LRRC4C: variants seen among roughly 807,000 people sequenced by gnomAD.
LRRC4C encodes the protein leucine rich repeat containing 4C.
LRRC4C carries 5 observed loss-of-function variants against 33.6 expected under a neutral mutation model. The observed-to-expected ratio is 0.15, with a 90% CI of 0.08 to 0.31. LRRC4C has a LOEUF of 0.31. LRRC4C is among the 10% of genes least tolerant of loss of function. LRRC4C has a pLI of 1.00. For missense variants in LRRC4C, 560 were observed against 796.7 expected (o/e 0.70, Z 3.58); for synonymous variants, 329 against 302.0 (o/e 1.09, Z -0.93).
At chr11:40,970,152 T>TA (rs753999748) in intron 1 of LRRC4C, among the ~76,000 whole-genome samples, 14 of 152,150 alleles carry the variant, frequency 9.2e-5, no homozygotes, top group Non-Finnish European at 1.9e-4. Flanking sequence ...CAGAGCCTTC[T>TA]AGCGAACCTC....
chr11:40,670,605 T>C (rs190346641), intron 2 of LRRC4C, among the ~76,000 whole-genome samples: 1 of 152,258 alleles, frequency 6.6e-6, no homozygotes, highest in African/African-American at 2.4e-5. Flanking sequence ...TAAAGATGTA[T>C]GCCCATAAAA....
intron 3 of LRRC4C, among the ~76,000 whole-genome samples, chr11:40,575,684 G>C (rs1459894667): frequency 6.6e-6 from 1 of 152,098 alleles, no homozygotes; most frequent in Admixed American, 6.6e-5. Context: ...TTTTCTTCAA[G>C]ATCTAAGATT....
At chr11:40,806,350 G>A (rs929801976) in intron 2 of LRRC4C, among the ~76,000 whole-genome samples, 4 of 152,144 alleles carry the variant, frequency 2.6e-5, no homozygotes, top group Non-Finnish European at 4.4e-5. Flanking sequence ...CCATGTCCAC[G>A]TCCATCTGTA....
chr11:40,521,693 A>T (rs186478560), intron 3 of LRRC4C, among the ~76,000 whole-genome samples: 4 of 151,752 alleles, frequency 2.6e-5, no homozygotes, highest in Middle Eastern at 3.4e-3. Context: ...ACATGGTAAA[A>T]CTCCGTCTCT....
chr11:40,146,911 T>C (rs1431398737), intron 5 of LRRC4C, among the ~76,000 whole-genome samples: 1 of 152,142 alleles, frequency 6.6e-6, no homozygotes, highest in Non-Finnish European at 1.5e-5. Context: ...CTAGGTTGCA[T>C]TGGTATAGCA....
At chr11:41,368,733 TAAG>T (rs1253133697) in intron 1 of LRRC4C, among the ~76,000 whole-genome samples, 1 of 152,128 alleles carries the variant, frequency 6.6e-6, no homozygotes, top group Non-Finnish European at 1.5e-5. Flanking sequence ...GGAAAATAAA[TAAG>T]GAGACTCAGT....
At chr11:40,678,721 T>C (rs1196163943) in intron 2 of LRRC4C, among the ~76,000 whole-genome samples, 7 of 152,122 alleles carry the variant, frequency 4.6e-5, no homozygotes, top group African/African-American at 1.7e-4. Flanking sequence ...TGCTCTTCCT[T>C]CATCTTCTGC....
intron 3 of LRRC4C, among the ~76,000 whole-genome samples, chr11:40,483,869 A>T (rs1022941024): frequency 3.3e-5 from 5 of 151,836 alleles, no homozygotes; most frequent in Non-Finnish European, 1.5e-5. Flanking sequence ...ACACTTAAGT[A>T]GAACTGATAT....
intron 1 of LRRC4C, among the ~76,000 whole-genome samples, chr11:41,435,602 C>T (rs1265535774): frequency 6.6e-6 from 1 of 152,150 alleles, no homozygotes; most frequent in Non-Finnish European, 1.5e-5. Context: ...TTATATGTTC[C>T]TCGGAAACTT....
At chr11:40,210,734 C>T (rs1310429326) in intron 5 of LRRC4C, among the ~76,000 whole-genome samples, 1 of 152,134 alleles carries the variant, frequency 6.6e-6, no homozygotes, top group African/African-American at 2.4e-5. Flanking sequence ...TTGTCTCTCT[C>T]ACTCGGAATG....
chr11:40,984,072 T>C (rs1305417790), intron 1 of LRRC4C, among the ~76,000 whole-genome samples: 1 of 151,914 alleles, frequency 6.6e-6, no homozygotes, highest in Admixed American at 6.6e-5. Flanking sequence ...ACATATTTAA[T>C]TGGATTATTG....
chr11:40,464,942 T>C (rs1388734015), intron 3 of LRRC4C, among the ~76,000 whole-genome samples: 3 of 151,480 alleles, frequency 2.0e-5, no homozygotes, highest in Non-Finnish European at 4.4e-5. Context: ...ACATCATTTT[T>C]CACAGAATTA....
At chr11:40,809,844 AG>A (rs2135374612) in intron 2 of LRRC4C, among the ~76,000 whole-genome samples, 1 of 152,322 alleles carries the variant, frequency 6.6e-6, no homozygotes, top group African/African-American at 2.4e-5. Flanking sequence ...TCCCTGAAAT[AG>A]GAAGACCTCA....
chr11:41,212,100 A>G (rs977777187), intron 1 of LRRC4C, among the ~76,000 whole-genome samples: 2 of 152,176 alleles, frequency 1.3e-5, no homozygotes, highest in African/African-American at 2.4e-5. Context: ...GTGGAGGGGA[A>G]TGGGGAAGAA....
intron 1 of LRRC4C, among the ~76,000 whole-genome samples, chr11:40,946,397 T>C (rs1159550442): frequency 6.6e-6 from 1 of 152,192 alleles, no homozygotes; most frequent in African/African-American, 2.4e-5. Context: ...TATAAACGTA[T>C]CAGTGTATGT....
intron 2 of LRRC4C, among the ~76,000 whole-genome samples, chr11:40,852,470 AATATTAAT>A (rs1403994163): frequency 3.9e-5 from 6 of 152,300 alleles, no homozygotes; most frequent in African/African-American, 9.6e-5. Flanking sequence ...CATATAAAAC[AATATTAAT>A]ATATTTAGTA....
At chr11:40,229,941 C>T (rs894514393) in intron 5 of LRRC4C, among the ~76,000 whole-genome samples, 4 of 152,180 alleles carry the variant, frequency 2.6e-5, no homozygotes, top group Non-Finnish European at 4.4e-5. Flanking sequence ...CTTTTATTAT[C>T]GTGATGTTTG....
chr11:40,538,585 A>G (rs1226042377), intron 3 of LRRC4C, among the ~76,000 whole-genome samples: 2 of 152,206 alleles, frequency 1.3e-5, no homozygotes, highest in African/African-American at 2.4e-5. Context: ...TAGTGCCGCA[A>G]TAAACATACG....
intron 3 of LRRC4C, among the ~76,000 whole-genome samples, chr11:40,385,732 T>C (rs1213034954): frequency 6.6e-6 from 1 of 151,886 alleles, no homozygotes; most frequent in Admixed American, 6.6e-5. Flanking sequence ...CTGGGCATGG[T>C]GGCATGTGCT....
Sources: allele counts gnomAD v4.1 joint callset (sites outside exome capture counted in the v4.1 genomes callset), GRCh38; gene constraint gnomAD v4.1.1; transcripts MANE v1.5; gene names NCBI Gene and HGNC (gene_info 2026-07-23, HGNC 2026-07-21).